Variants in FARP1 observed in about 807,000 individuals in gnomAD.
FARP1 encodes FERM, ARH/RhoGEF and pleckstrin domain protein 1, also known as FERM, ARHGEF and pleckstrin domain-containing protein 1.
In FARP1, 52 loss-of-function variants were observed where a neutral mutation model predicts 128.8. That is an observed-to-expected ratio of 0.40 (90% CI 0.32 to 0.51). The LOEUF is 0.51. FARP1 is among the 20% of genes least tolerant of loss of function. The pLI is 0.45. For synonymous variants in FARP1, 580 were observed against 551.8 expected, an observed-to-expected ratio of 1.05 and a Z score of -0.72; for missense variants, 1,333 against 1,367.9, an observed-to-expected ratio of 0.97 and a Z score of 0.40.
At chr13:98,240,186 A>G (rs1159236937) in intron 2 of FARP1, among the ~76,000 whole-genome samples, 1 of 152,160 alleles carries the variant, frequency 6.6e-6, no homozygotes, top group African/African-American at 2.4e-5. Flanking sequence ...AGCATGAGTT[A>G]TTAGCACAAC....
intron 16 of FARP1, among the ~76,000 whole-genome samples, chr13:98,413,254 G>C (rs1009084042): frequency 6.6e-6 from 1 of 152,198 alleles, no homozygotes; most frequent in African/African-American, 2.4e-5. Flanking sequence ...AGCCAGAATT[G>C]GAGAAATAAT....
chr13:98,389,943 T>C lies in FARP1; in HGVS notation c.856-14T>C. On this transcript the variant is annotated splice_polypyrimidine_tract_variant and intron_variant, in intron 9 of 26. Transcript: ENST00000319562. ...GGTAATGGAAAAAACCACCGTTGTA[T>C]TTTCCCTTTTTAGAGTGCGTACCAG... The C allele has an allele frequency of 6.2e-7, 1 of 1,613,446 alleles. No individual in the cohort carries two copies. The highest frequency in any genetic ancestry group is 8.5e-7 in the Non-Finnish European group (1 of 1,179,700).
chr13:98,244,421 CT>C (rs1187062655), intron 2 of FARP1: 2 of 1,382,850 alleles, frequency 1.4e-6, no homozygotes, highest in African/African-American at 2.9e-5. Flanking sequence ...TTTATTGTTA[CT>C]GTTTTTTAAA....
chr13:98,341,458 C>T (rs1483715895), intron 2 of FARP1, among the ~76,000 whole-genome samples: 1 of 152,022 alleles, frequency 6.6e-6, no homozygotes, highest in Non-Finnish European at 1.5e-5. Flanking sequence ...ATGGTGAAAC[C>T]CCGTCTCTAC....
intron 2 of FARP1, among the ~76,000 whole-genome samples, chr13:98,292,395 G>A (rs192940256): frequency 1.3e-5 from 2 of 152,308 alleles, no homozygotes; most frequent in East Asian, 3.9e-4. Context: ...ATGAAATGTT[G>A]GTGGGGGAAA....
At chr13:98,178,475 C>T (rs998213727) in intron 1 of FARP1, among the ~76,000 whole-genome samples, 3 of 152,174 alleles carry the variant, frequency 2.0e-5, no homozygotes, top group African/African-American at 4.8e-5. Context: ...GTATTACAGG[C>T]GTGAGCCACT....
intron 3 of FARP1, among the ~76,000 whole-genome samples, chr13:98,347,956 G>C (rs1292327647): frequency 6.6e-6 from 1 of 152,144 alleles, no homozygotes; most frequent in Non-Finnish European, 1.5e-5. Flanking sequence ...GTTGAATTTA[G>C]GCAGCTTGAA....
At chr13:98,284,680 A>T (rs998184256) in intron 2 of FARP1, among the ~76,000 whole-genome samples, 1 of 152,036 alleles carries the variant, frequency 6.6e-6, no homozygotes, top group Non-Finnish European at 1.5e-5. Flanking sequence ...TTGTCCCTCA[A>T]TGTTTTTTCC....
chr13:98,144,004 A>C (rs1338348822), intron 1 of FARP1, among the ~76,000 whole-genome samples: 1 of 152,142 alleles, frequency 6.6e-6, no homozygotes, highest in African/African-American at 2.4e-5. Context: ...AAAGAGGAAC[A>C]CACCCTCTGC....
intron 2 of FARP1, among the ~76,000 whole-genome samples, chr13:98,272,860 T>C (rs1884453819): frequency 6.6e-6 from 1 of 152,330 alleles, no homozygotes; most frequent in East Asian, 1.9e-4. Context: ...TTCTGAACTC[T>C]TAATGGGCAC....
intron 2 of FARP1, among the ~76,000 whole-genome samples, chr13:98,296,528 A>C (rs1260544198): frequency 6.7e-6 from 1 of 149,452 alleles, no homozygotes; most frequent in African/African-American, 2.5e-5. Context: ...CCCGCTCTTC[A>C]TGCACATCCT....
At chr13:98,209,964 A>G (rs1419124135) in intron 1 of FARP1, among the ~76,000 whole-genome samples, 1 of 151,328 alleles carries the variant, frequency 6.6e-6, no homozygotes, top group Non-Finnish European at 1.5e-5. Flanking sequence ...CCTAGGTAAC[A>G]GAGTTTGAGA....
chr13:98,301,447 G>A (rs1885921746), intron 2 of FARP1, among the ~76,000 whole-genome samples: 3 of 152,166 alleles, frequency 2.0e-5, no homozygotes, highest in Admixed American at 2.0e-4. Flanking sequence ...CTGCGGAGGT[G>A]TGGGTTTTCT....
At chr13:98,230,106 C>G (rs1882029011) in intron 2 of FARP1, among the ~76,000 whole-genome samples, 1 of 152,090 alleles carries the variant, frequency 6.6e-6, no homozygotes, top group Admixed American at 6.5e-5. Flanking sequence ...AGTGGGCACT[C>G]CCCTCCCCTC....
chr13:98,393,322 C>T (rs923429101), intron 11 of FARP1, among the ~76,000 whole-genome samples: 3 of 152,226 alleles, frequency 2.0e-5, no homozygotes, highest in Non-Finnish European at 4.4e-5. Context: ...CAGCCACATC[C>T]TCCCTCCTCT....
intron 2 of FARP1, among the ~76,000 whole-genome samples, chr13:98,337,469 A>T (rs1167920917): frequency 6.6e-6 from 1 of 151,922 alleles, no homozygotes; most frequent in Non-Finnish European, 1.5e-5. Flanking sequence ...CATTACTCAC[A>T]TATATGGGTT....
At chr13:98,259,230 G>A (rs927856465) in intron 2 of FARP1, among the ~76,000 whole-genome samples, 4 of 151,754 alleles carry the variant, frequency 2.6e-5, no homozygotes, top group African/African-American at 7.3e-5. Flanking sequence ...AAATAGATAT[G>A]TATATTTTTA....
chr13:98,251,608 G>A (rs1203189194), intron 2 of FARP1, among the ~76,000 whole-genome samples: 24 of 151,748 alleles, frequency 1.6e-4, no homozygotes, highest in African/African-American at 5.6e-4. Flanking sequence ...GCTTGAACCC[G>A]GGAGGTGGAG....
At chr13:98,197,472 AAAG>A (rs1342481860) in intron 1 of FARP1, among the ~76,000 whole-genome samples, 3 of 152,056 alleles carry the variant, frequency 2.0e-5, no homozygotes, top group Non-Finnish European at 4.4e-5. Context: ...ATCTCAAAAA[AAAG>A]AAGATGATGT....
Sources: allele counts gnomAD v4.1 joint callset (sites outside exome capture counted in the v4.1 genomes callset), GRCh38; gene constraint gnomAD v4.1.1; transcripts MANE v1.5; gene names NCBI Gene and HGNC (gene_info 2026-07-23, HGNC 2026-07-21).